The following STON2 variants were observed in gnomAD, a reference collection of about 807,000 sequenced individuals.
STON2 encodes the protein stonin 2.
STON2 carries 29 observed loss-of-function variants against 65.7 expected under a neutral mutation model. That is an observed-to-expected ratio of 0.44 (90% confidence interval 0.33 to 0.60). The LOEUF (loss-of-function observed/expected upper bound fraction) is 0.60. STON2 is among the 20% of genes least tolerant of loss of function. STON2 has a pLI of 0.03. For missense variants in STON2, 1,054 were observed against 1,118.1 expected, an observed-to-expected ratio of 0.94 and a Z score of 0.82; for synonymous variants, 404 against 414.2, an observed-to-expected ratio of 0.98 and a Z score of 0.30.
intron 1 of STON2, chr14:81,436,292 C>T (rs902497157): frequency 6.6e-6 from 1 of 151,652 alleles, no homozygotes; most frequent in Non-Finnish European, 1.5e-5. Context: ...GCGCGCTCGC[C>T]TCCTGCTGCG....
chr14:81,383,489 T>C (rs1255947073), intron 3 of STON2, among the ~76,000 whole-genome samples: 3 of 152,218 alleles, frequency 2.0e-5, no homozygotes, highest in Non-Finnish European at 2.9e-5. Context: ...AAGCTCCTGT[T>C]ATTCCCTCCA....
At chr14:81,270,619 G>A in intron 7 of STON2, 51 bp downstream of exon 7, 1 of 1,614,150 alleles carries the variant, frequency 6.2e-7, no homozygotes, top group Non-Finnish European at 8.5e-7. Flanking sequence ...GGAGGGTAGT[G>A]GGGTGAACAA....
At chr14:81,306,379 A>G (rs566497589) in intron 5 of STON2, among the ~76,000 whole-genome samples, 2 of 89,642 alleles carry the variant, frequency 2.2e-5, no homozygotes, top group African/African-American at 8.7e-5. Flanking sequence ...CAGGCGCCAT[A>G]TGCTCTATTT....
At chr14:81,422,647 TG>T (rs1901761492) in intron 2 of STON2, among the ~76,000 whole-genome samples, 1 of 152,188 alleles carries the variant, frequency 6.6e-6, no homozygotes, top group African/African-American at 2.4e-5. Context: ...GATTTCTGGA[TG>T]CCCAGTTTTC....
At chr14:81,302,492 G>A (rs1009167659) in intron 5 of STON2, among the ~76,000 whole-genome samples, 1 of 152,234 alleles carries the variant, frequency 6.6e-6, no homozygotes, top group African/African-American at 2.4e-5. Context: ...AACTCAGAAA[G>A]TGTTTGCAAG....
rs950610404 is a variant in STON2, at chr14:81,264,293, A to T, written c.*4121T>A. On this transcript the variant is annotated 3_prime_UTR_variant, in exon 8 of 8. Transcript: ENST00000614646. ...TGACTCTGGAGGCAGGAGTAAAAGG[A>T]AAGCAAAATTATTTAAGTCCTTCAG... 3.3e-5 allele frequency: 33 copies of T among 985,374 alleles called. No homozygotes were observed. The highest frequency in any genetic ancestry group is 3.9e-5 in the Non-Finnish European group (32 of 829,956). 61.0% of individuals were successfully genotyped at this position (985,374 alleles called of 1,614,324 possible). A position where few individuals can be genotyped will look rare whatever the true frequency, so the allele number is the denominator to read the frequency against.
In STON2 at chr14:81,263,244, A is replaced by G; in HGVS notation, c.*5170T>C. 1 of 898,300 alleles carries G rather than the reference A, an allele frequency of 1.1e-6. No homozygotes were observed. Among genetic ancestry groups the G allele is most frequent in the Non-Finnish European group, 1.3e-6 (1 of 750,698 alleles). 55.6% of individuals were successfully genotyped at this position (898,300 alleles called of 1,614,324 possible). ...ACAAATTCGTAAACTTTCTTAAAAC[A>G]TTATGCTATTTTGGCCAGGCGCGGC... On this transcript the variant is annotated 3_prime_UTR_variant, in exon 8 of 8. Transcript: ENST00000614646.
At chr14:81,397,086 T>C (rs1900362649) in intron 2 of STON2, among the ~76,000 whole-genome samples, 2 of 152,130 alleles carry the variant, frequency 1.3e-5, no homozygotes, top group African/African-American at 4.8e-5. Flanking sequence ...AAAAAAACTA[T>C]ATCCTGATTA....
intron 6 of STON2, among the ~76,000 whole-genome samples, chr14:81,275,112 G>A (rs1305310252): frequency 6.6e-6 from 1 of 152,022 alleles, no homozygotes; most frequent in Non-Finnish European, 1.5e-5. Flanking sequence ...GTTGCTTAGG[G>A]TAGCCGATAA....
intron 4 of STON2, among the ~76,000 whole-genome samples, chr14:81,341,042 G>A (rs754743634): frequency 2.6e-5 from 4 of 151,990 alleles, no homozygotes; most frequent in Non-Finnish European, 5.9e-5. Context: ...TAAAAAGGAA[G>A]GACATTTTTC....
chr14:81,308,686 G>A (rs548795377), intron 5 of STON2, among the ~76,000 whole-genome samples: 1 of 150,472 alleles, frequency 6.6e-6, no homozygotes, highest in East Asian at 2.0e-4. Flanking sequence ...AAGAAGAGAG[G>A]GCAGCTTTTG....
At chr14:81,388,278 G>C (rs1899917646) in intron 3 of STON2, among the ~76,000 whole-genome samples, 1 of 152,118 alleles carries the variant, frequency 6.6e-6, no homozygotes. Flanking sequence ...AAGGGAGACT[G>C]TATATCTCCT....
chr14:81,422,565 T>C (rs1012541321), intron 2 of STON2, among the ~76,000 whole-genome samples: 1 of 151,786 alleles, frequency 6.6e-6, no homozygotes, highest in Non-Finnish European at 1.5e-5. Flanking sequence ...ACTATGATAA[T>C]ACAGAATATT....
chr14:81,264,176 G>A lies in STON2; in HGVS notation c.*4238C>T, dbSNP rs1258689466. ...CAGCATCTATGCTACTATGCTTTGG[G>A]GCACAAAAATGTTTTTCAATGTGAA... On this transcript the variant is annotated 3_prime_UTR_variant, in exon 8 of 8. Transcript: ENST00000614646. 1.0e-6 allele frequency: 1 copy of A among 985,190 alleles called. No individual in the cohort carries two copies. Among genetic ancestry groups the A allele is most frequent in the Non-Finnish European group, 1.2e-6 (1 of 829,928 alleles). 61.0% of individuals were successfully genotyped at this position (985,190 alleles called of 1,614,324 possible). A position where few individuals can be genotyped will look rare whatever the true frequency, so the allele number is the denominator to read the frequency against.
At chr14:81,269,944 G>A in intron 7 of STON2, 7 of 985,342 alleles carry the variant, frequency 7.1e-6, no homozygotes, top group Non-Finnish European at 7.2e-6. Context: ...GGTCATGTGT[G>A]TCCTAACTTT....
At chr14:81,414,320 G>A (rs796122526) in intron 2 of STON2, among the ~76,000 whole-genome samples, 50 of 152,290 alleles carry the variant, frequency 3.3e-4, no homozygotes, top group African/African-American at 9.4e-4. Flanking sequence ...TCATCAGACA[G>A]AAGGGATCCA....
chr14:81,276,919 G>A lies in STON2; in HGVS notation c.2563C>T (p.Leu855=), dbSNP rs775203209. Residue 855 remains leucine, a synonymous_variant, in exon 6 of 8, where the codon CTG becomes TTG. Coordinates refer to ENST00000614646, the MANE Select transcript of STON2 (RefSeq NM_001394390.1). ...CACCCACCTGAGTTTTTGTCCGGCA[G>A]TCGGTTTATCCTCCACACAATGGAG... ...FNSIVWRINR[L]PDKNSASGHP... The A allele has an allele frequency of 2.5e-5, 41 of 1,607,906 alleles. No homozygotes were observed. The highest frequency in any genetic ancestry group is 3.1e-5 in the Non-Finnish European group (37 of 1,175,460).
intron 7 of STON2, 102 bp from the exon 8 acceptor site, chr14:81,268,599 A>T: frequency 7.9e-7 from 1 of 1,260,918 alleles, no homozygotes; most frequent in Non-Finnish European, 1.0e-6. Flanking sequence ...AATTTCTTAT[A>T]ATTTTGCTAA....
At chr14:81,323,225 A>C (rs772652695) in intron 5 of STON2, among the ~76,000 whole-genome samples, 6 of 152,230 alleles carry the variant, frequency 3.9e-5, no homozygotes, top group Non-Finnish European at 8.8e-5. Flanking sequence ...AAGCCTGTTA[A>C]CAATGCAGTG....
Sources: gnomAD v4.1 joint callset for allele counts (sites outside exome capture counted in the v4.1 genomes callset) on GRCh38, gnomAD v4.1.1 for gene constraint, MANE v1.5 for transcripts, NCBI Gene and HGNC (gene_info 2026-07-23, HGNC 2026-07-21) for gene names.